Variants in AFF3 observed in about 807,000 individuals in gnomAD.
AFF3 encodes the protein ALF transcription elongation factor 3, also known as AF4/FMR2 family member 3.
AFF3 carries 32 observed loss-of-function variants against 129.7 expected under a neutral mutation model. That is an observed-to-expected ratio of 0.25 (90% confidence interval 0.19 to 0.33). AFF3 has a LOEUF of 0.33. AFF3 is among the 10% of genes least tolerant of loss of function. AFF3 has a pLI of 1.00. For synonymous variants in AFF3, 644 were observed against 635.4 expected (o/e 1.01, Z -0.20); for missense variants, 1,373 against 1,592.0 (o/e 0.86, Z 2.34).
chr2:99,578,831 C>T (rs939170014), intron 17 of AFF3, among the ~76,000 whole-genome samples: 1 of 152,214 alleles, frequency 6.6e-6, no homozygotes, highest in African/African-American at 2.4e-5. Context: ...CCAGTTCAGT[C>T]TTCATCAGCA....
intron 11 of AFF3, among the ~76,000 whole-genome samples, chr2:99,685,865 T>TG: frequency 6.6e-6 from 1 of 152,262 alleles, no homozygotes; most frequent in South Asian, 2.1e-4. Context: ...TATTCACTGA[T>TG]GGAGGACAGG....
chr2:99,929,536 T>G (rs563546728), intron 7 of AFF3, among the ~76,000 whole-genome samples: 2 of 152,318 alleles, frequency 1.3e-5, no homozygotes, highest in South Asian at 4.1e-4. Flanking sequence ...TTTTATTTAT[T>G]AATGAATCTA....
chr2:99,921,347 T>C (rs540930655), intron 7 of AFF3, among the ~76,000 whole-genome samples: 1 of 152,252 alleles, frequency 6.6e-6, no homozygotes, highest in East Asian at 1.9e-4. Context: ...AAGGGAAGAC[T>C]GAGGAACTAC....
intron 7 of AFF3, among the ~76,000 whole-genome samples, chr2:99,999,988 C>T (rs930876659): frequency 6.6e-6 from 1 of 152,166 alleles, no homozygotes; most frequent in Non-Finnish European, 1.5e-5. Flanking sequence ...GCATGGTCAA[C>T]GGGTGCTTGC....
intron 11 of AFF3, among the ~76,000 whole-genome samples, chr2:99,702,945 T>C (rs1027099001): frequency 1.3e-5 from 2 of 152,374 alleles, no homozygotes; most frequent in East Asian, 1.9e-4. Context: ...TTTCCTTTTA[T>C]GGATCAAGCT....
chr2:99,889,899 A>T (rs1273122336), intron 7 of AFF3, among the ~76,000 whole-genome samples: 1 of 152,118 alleles, frequency 6.6e-6, no homozygotes, highest in African/African-American at 2.4e-5. Flanking sequence ...ACCTCAGGTG[A>T]TCCACCTGCC....
rs369129199 is a variant in AFF3, at chr2:99,954,509, A to C, written c.873+52123T>G. 5.3e-5 allele frequency among the ~76,000 whole-genome samples: 8 copies of C among 151,970 alleles called. No individual in the cohort carries two copies. The East Asian group carries it at 5.8e-4, about 11-fold the overall frequency. On this transcript the variant is annotated intron_variant, in intron 7 of 24. Coordinates refer to ENST00000672756, the MANE Select transcript of AFF3 (RefSeq NM_001386135.1). Reference sequence around the variant, plus strand: ...TATTCACAATAGCAAAGACTTGGAAACAACCCAAATGTCCAACAATGATAG... The same window carrying C: ...TATTCACAATAGCAAAGACTTGGAACCAACCCAAATGTCCAACAATGATAG...
At chr2:99,866,962 C>CATCATA (rs1691447965) in intron 7 of AFF3, among the ~76,000 whole-genome samples, 1 of 93,902 alleles carries the variant, frequency 1.1e-5, no homozygotes, top group African/African-American at 5.4e-5. Context: ...GGTAACACAG[C>CATCATA]ATAATAATAA....
intron 2 of AFF3, among the ~76,000 whole-genome samples, chr2:100,118,263 A>G (rs1320707210): frequency 6.6e-6 from 1 of 152,218 alleles, no homozygotes; most frequent in Admixed American, 6.5e-5. Context: ...GGATTTGAGT[A>G]ACTTGCTCTT....
intron 24 of AFF3, 83 bp from the exon 25 acceptor site, chr2:99,551,678 T>C (rs1212914561): frequency 9.7e-6 from 15 of 1,541,920 alleles, no homozygotes; most frequent in Non-Finnish European, 1.3e-5. Context: ...AAAAATTCCA[T>C]TCATGGTCTC....
At chr2:99,673,393 C>A (rs1345748261) in intron 11 of AFF3, among the ~76,000 whole-genome samples, 1 of 151,998 alleles carries the variant, frequency 6.6e-6, no homozygotes, top group African/African-American at 2.4e-5. Flanking sequence ...GAGGAGACAG[C>A]GGGGAAGCAC....
chr2:100,015,369 C>CAACATGCT (rs1175179119), intron 4 of AFF3, among the ~76,000 whole-genome samples: 1 of 152,086 alleles, frequency 6.6e-6, no homozygotes, highest in African/African-American at 2.4e-5. Context: ...TGAGACCTGA[C>CAACATGCT]AACATGCTAA....
In AFF3 at chr2:99,630,755, A is replaced by C. The variant is rs1027877747; in HGVS notation, c.1184+18871T>G. The C allele has an allele frequency of 2.2e-5, 4 of 181,766 alleles. No individual in the cohort carries two copies. In the South Asian group the frequency reaches 4.4e-4, roughly 20 times the overall value. 11.3% of individuals were successfully genotyped at this position (181,766 alleles called of 1,614,324 possible). A position where few individuals can be genotyped will look rare whatever the true frequency, so the allele number is the denominator to read the frequency against. On this transcript the variant is annotated intron_variant, in intron 13 of 24. Transcript: ENST00000672756. ...CCACCCTTTTAAAACCATCACCTTG[A>C]GTGAGAACTCACTCACAAGAACAGC...
At chr2:99,669,689 G>T (rs968101276) in intron 12 of AFF3, among the ~76,000 whole-genome samples, 21 of 152,036 alleles carry the variant, frequency 1.4e-4, no homozygotes, top group Non-Finnish European at 3.1e-4. Context: ...ATACAAACAG[G>T]CTGGGCACAG....
chr2:99,687,235 T>A (rs532136786), intron 11 of AFF3, among the ~76,000 whole-genome samples: 1 of 152,364 alleles, frequency 6.6e-6, no homozygotes, highest in East Asian at 1.9e-4. Flanking sequence ...GGCACTTTGA[T>A]CATTGTCACC....
chr2:100,066,692 C>T (rs943999620), intron 4 of AFF3, among the ~76,000 whole-genome samples: 1 of 152,132 alleles, frequency 6.6e-6, no homozygotes, highest in South Asian at 2.1e-4. Context: ...CTGAGTAGTG[C>T]ATCAGAACAC....
intron 13 of AFF3, among the ~76,000 whole-genome samples, chr2:99,625,330 T>G (rs536929388): frequency 1.3e-5 from 2 of 152,320 alleles, no homozygotes; most frequent in South Asian, 4.1e-4. Flanking sequence ...TATGCAATAT[T>G]AGGGACACAT....
intron 8 of AFF3, among the ~76,000 whole-genome samples, chr2:99,778,962 T>C (rs1413261315): frequency 1.3e-5 from 2 of 151,432 alleles, no homozygotes; most frequent in Non-Finnish European, 2.9e-5. Flanking sequence ...GTTTTCTATA[T>C]GGAAGATAAT....
chr2:99,917,842 A>G (rs1419067955), intron 7 of AFF3, among the ~76,000 whole-genome samples: 2 of 152,342 alleles, frequency 1.3e-5, no homozygotes, highest in East Asian at 3.9e-4. Flanking sequence ...GCTATTCAAC[A>G]AGGAAACTGC....
Sources: allele counts gnomAD v4.1 joint callset (sites outside exome capture counted in the v4.1 genomes callset), GRCh38; gene constraint gnomAD v4.1.1; transcripts MANE v1.5; gene names NCBI Gene and HGNC (gene_info 2026-07-23, HGNC 2026-07-21).